Variants in CNTN1 observed in about 807,000 individuals in gnomAD.
CNTN1 encodes the protein contactin-1.
In CNTN1, 38 loss-of-function variants were observed where a neutral mutation model predicts 126.4. The ratio of observed to expected loss-of-function variants is 0.30; its 90% CI spans 0.23 to 0.39. The LOEUF (loss-of-function observed/expected upper bound fraction) is 0.39, where lower values mean the gene tolerates loss of function less well. Ranked by LOEUF, CNTN1 falls within the 10% of genes least tolerant of loss-of-function variation. CNTN1 has a pLI of 1.00. For missense variants in CNTN1, 1,009 were observed against 1,248.4 expected (o/e 0.81, Z 2.89); for synonymous variants, 413 against 422.6 (o/e 0.98, Z 0.28).
intron 1 of CNTN1, among the ~76,000 whole-genome samples, chr12:40,744,236 A>G (rs1364665761): frequency 6.6e-6 from 1 of 152,014 alleles, no homozygotes; most frequent in Non-Finnish European, 1.5e-5. Flanking sequence ...CCACCATGAC[A>G]CACATTTACC....
intron 1 of CNTN1, among the ~76,000 whole-genome samples, chr12:40,761,654 T>C (rs1938870226): frequency 6.6e-6 from 1 of 152,126 alleles, no homozygotes; most frequent in South Asian, 2.1e-4. Flanking sequence ...TTATTTTACT[T>C]GTATTATTTT....
At chr12:40,800,110 G>A (rs1477774546) in intron 1 of CNTN1, among the ~76,000 whole-genome samples, 3 of 151,932 alleles carry the variant, frequency 2.0e-5, no homozygotes, top group African/African-American at 7.2e-5. Context: ...CACGTGTCAA[G>A]GGTGGGACCA....
intron 23 of CNTN1, among the ~76,000 whole-genome samples, chr12:41,064,187 A>C (rs1024526229): frequency 5.9e-5 from 9 of 152,050 alleles, no homozygotes; most frequent in African/African-American, 2.2e-4. Flanking sequence ...AAAAAAAAAA[A>C]AAACAATGTG....
chr12:40,708,012 A>G (rs1941814743), intron 1 of CNTN1, among the ~76,000 whole-genome samples: 1 of 152,222 alleles, frequency 6.6e-6, no homozygotes, highest in Non-Finnish European at 1.5e-5. Flanking sequence ...AGTCCTAGAT[A>G]CTTTTCTCAA....
intron 1 of CNTN1, among the ~76,000 whole-genome samples, chr12:40,838,447 T>C (rs1942150784): frequency 6.6e-6 from 1 of 152,178 alleles, no homozygotes; most frequent in Non-Finnish European, 1.5e-5. Context: ...ACTACTGGAA[T>C]CTGAGCAAGA....
chr12:40,737,542 G>C (rs1937751598), intron 1 of CNTN1, among the ~76,000 whole-genome samples: 1 of 151,546 alleles, frequency 6.6e-6, no homozygotes, highest in Non-Finnish European at 1.5e-5. Flanking sequence ...ACGTAGGCTG[G>C]GAGGCTAGGC....
intron 23 of CNTN1, among the ~76,000 whole-genome samples, chr12:41,050,029 A>T (rs370911736): frequency 3.4e-4 from 51 of 152,220 alleles, no homozygotes; most frequent in Middle Eastern, 3.4e-3. Flanking sequence ...CCTCCCAAGT[A>T]GCTGGGATTA....
intron 17 of CNTN1, among the ~76,000 whole-genome samples, chr12:41,003,140 G>A (rs540437546): frequency 1.3e-5 from 2 of 152,266 alleles, no homozygotes; most frequent in South Asian, 2.1e-4. Context: ...TATATTGACA[G>A]TTTTTACATG....
intron 17 of CNTN1, among the ~76,000 whole-genome samples, chr12:41,000,967 T>C (rs1204899791): frequency 1.3e-5 from 2 of 152,230 alleles, no homozygotes; most frequent in African/African-American, 4.8e-5. Context: ...ATGGTCTTGT[T>C]CTTTTTTATG....
intron 17 of CNTN1, among the ~76,000 whole-genome samples, chr12:40,996,481 T>A (rs1229181597): frequency 6.6e-6 from 1 of 152,208 alleles, no homozygotes; most frequent in African/African-American, 2.4e-5. Context: ...TCTTAAGGGA[T>A]GATTTTTATG....
At chr12:40,887,473 C>A (rs1944080774) in intron 1 of CNTN1, among the ~76,000 whole-genome samples, 1 of 152,172 alleles carries the variant, frequency 6.6e-6, no homozygotes, top group African/African-American at 2.4e-5. Flanking sequence ...GATACCATCT[C>A]ACACCATTTA....
intron 6 of CNTN1, 97 bp downstream of exon 6, chr12:40,924,749 C>A: frequency 4.2e-6 from 3 of 719,196 alleles, no homozygotes; most frequent in Non-Finnish European, 7.7e-6. Flanking sequence ...ATAATCATGG[C>A]TTATTATTAA....
chr12:40,901,432 G>A (rs1462496526), intron 1 of CNTN1, among the ~76,000 whole-genome samples: 2 of 152,046 alleles, frequency 1.3e-5, no homozygotes, highest in African/African-American at 4.8e-5. Flanking sequence ...AAGATAATAA[G>A]GATTTCTATG....
At chr12:40,726,800 A>G (rs568867272) in intron 1 of CNTN1, among the ~76,000 whole-genome samples, 12 of 152,132 alleles carry the variant, frequency 7.9e-5, no homozygotes, top group African/African-American at 2.9e-4. Context: ...AAATCAGTAG[A>G]CAAACTAATA....
intron 17 of CNTN1, among the ~76,000 whole-genome samples, chr12:41,009,128 C>G (rs1253341772): frequency 2.0e-5 from 3 of 152,226 alleles, no homozygotes; most frequent in Non-Finnish European, 4.4e-5. Context: ...CTGAGATCTT[C>G]CCTGGCCGCA....
chr12:40,757,195 C>A lies in CNTN1; in HGVS notation c.-77+64603C>A, dbSNP rs1363567916. 2.6e-5 allele frequency among the ~76,000 whole-genome samples: 4 copies of A among 151,980 alleles called. No individual in the cohort carries two copies. The East Asian group carries it at 7.7e-4, about 29-fold the overall frequency. On this transcript the variant is annotated intron_variant, in intron 1 of 23. Coordinates refer to ENST00000551295, the MANE Select transcript of CNTN1 (RefSeq NM_001843.4). ...TTAATCCCATCATGGGGGTTCTACT[C>A]CTATGATCTCATCTAAGTATAATTA...
At chr12:40,947,205 A>G (rs992396779) in intron 14 of CNTN1, among the ~76,000 whole-genome samples, 1 of 152,060 alleles carries the variant, frequency 6.6e-6, no homozygotes, top group African/African-American at 2.4e-5. Context: ...TTAAACATCT[A>G]AAAATTTCCT....
At chr12:41,020,476 T>G in intron 20 of CNTN1, 36 bp downstream of exon 20, 1 of 1,293,632 alleles carries the variant, frequency 7.7e-7, no homozygotes, top group Non-Finnish European at 1.1e-6. Context: ...ATACATTTAT[T>G]CATAAATATA....
At chr12:40,747,928 A>C (rs1341716071) in intron 1 of CNTN1, among the ~76,000 whole-genome samples, 1 of 152,194 alleles carries the variant, frequency 6.6e-6, no homozygotes, top group Admixed American at 6.5e-5. Context: ...TGGTGTATTC[A>C]TGAAAGGAGA....
Sources: gnomAD v4.1 joint callset for allele counts (sites outside exome capture counted in the v4.1 genomes callset) on GRCh38, gnomAD v4.1.1 for gene constraint, MANE v1.5 for transcripts, NCBI Gene and HGNC (gene_info 2026-07-23, HGNC 2026-07-21) for gene names.